Variants in DPP6 observed in about 807,000 individuals in gnomAD.
DPP6 encodes the protein dipeptidyl peptidase like 6.
DPP6 carries 69 observed loss-of-function variants against 122.6 expected under a neutral mutation model. The observed-to-expected ratio is 0.56, with a 90% CI of 0.46 to 0.69. DPP6 has a LOEUF of 0.69. Among genes scored for constraint, DPP6 ranks in the 30% least tolerant of loss-of-function variants. The pLI is 0.00. For missense variants in DPP6, 928 were observed against 1,116.9 expected, an observed-to-expected ratio of 0.83 and a Z score of 2.41; for synonymous variants, 418 against 433.1, an observed-to-expected ratio of 0.97 and a Z score of 0.43.
intron 1 of DPP6, chr7:154,305,335 T>TGGGGCCC: frequency 1.5e-5 from 15 of 1,024,746 alleles, no homozygotes; most frequent in Middle Eastern, 4.8e-4. Context: ...TCGTCTTGTC[T>TGGGGCCC]ACCCACCCTC....
chr7:153,794,367 G>A, the DPP6 span, among the ~76,000 whole-genome samples: 2 of 152,148 alleles, frequency 1.3e-5, no homozygotes, highest in Non-Finnish European at 2.9e-5. Flanking sequence ...TCATTTTGGA[G>A]CCCTAAAATT....
chr7:154,686,548 C>T (rs904927237), intron 7 of DPP6, among the ~76,000 whole-genome samples: 7 of 152,062 alleles, frequency 4.6e-5, no homozygotes, highest in African/African-American at 1.7e-4. Flanking sequence ...ACTGATATTT[C>T]CCTCTAAAAT....
intron 3 of DPP6, among the ~76,000 whole-genome samples, chr7:154,479,637 G>A (rs1164221840): frequency 2.6e-5 from 4 of 151,426 alleles, no homozygotes; most frequent in Admixed American, 2.6e-4. Flanking sequence ...CACACTCCCA[G>A]AAGTGGTCAC....
chr7:154,297,063 G>GTTTTTTTTTTTTTTTTTTTTTTT (rs34506058), intron 1 of DPP6, among the ~76,000 whole-genome samples: 1 of 125,260 alleles, frequency 8.0e-6, no homozygotes, highest in Non-Finnish European at 1.6e-5. Flanking sequence ...AATGTATTCT[G>GTTTTTTTTTTTTTTTTTTTTTTT]TTTTTTTTTT....
chr7:154,625,492 A>C (rs1463671519), intron 5 of DPP6, among the ~76,000 whole-genome samples: 2 of 152,218 alleles, frequency 1.3e-5, no homozygotes, highest in African/African-American at 4.8e-5. Flanking sequence ...TAAAGGAAGC[A>C]CAGGTAGATG....
In DPP6 at chr7:154,624,690, AAC is replaced by A. The variant is rs1357674024; in HGVS notation, c.628-13127_628-13126del. ...AGAAAGCAATGGAGCCCTTGTTAGAAACACATATTTCTAAGCTCCAAGCCTGG... is the reference window on the plus strand; with the variant it reads ...AGAAAGCAATGGAGCCCTTGTTAGAAACATATTTCTAAGCTCCAAGCCTGG... On this transcript the variant is annotated intron_variant, in intron 5 of 25. Coordinates refer to ENST00000377770, the MANE Select transcript of DPP6 (RefSeq NM_130797.4). This position sits in a 1 kb window ranked among gnomAD's most constrained non-coding sequence, Gnocchi z 4.7. 1.3e-5 allele frequency among the ~76,000 whole-genome samples: 2 copies of A among 152,110 alleles called. No homozygotes were observed. Among genetic ancestry groups the A allele is most frequent in the African/African-American group, 2.4e-5 (1 of 41,410 alleles).
At chr7:154,302,485 G>T (rs1166149546) in intron 1 of DPP6, among the ~76,000 whole-genome samples, 2 of 152,214 alleles carry the variant, frequency 1.3e-5, no homozygotes, top group African/African-American at 4.8e-5. Context: ...TTCTCCACCA[G>T]TAATTCCTAA....
At chr7:154,288,534 G>C (rs780396462) in intron 1 of DPP6, among the ~76,000 whole-genome samples, 1 of 152,156 alleles carries the variant, frequency 6.6e-6, no homozygotes, top group Admixed American at 6.5e-5. Context: ...GAGGAGAGAC[G>C]ATTTATGCCT....
intron 18 of DPP6, 109 bp from the exon 19 acceptor site, chr7:154,872,515 C>T: frequency 6.8e-7 from 1 of 1,476,336 alleles, no homozygotes; most frequent in Non-Finnish European, 9.0e-7. Context: ...TGGGCTTCCC[C>T]TCAGGCCCCA....
At chr7:154,189,794 T>C (rs1798525738) in intron 1 of DPP6, among the ~76,000 whole-genome samples, 1 of 152,120 alleles carries the variant, frequency 6.6e-6, no homozygotes, top group African/African-American at 2.4e-5. Context: ...ACAAACCAGA[T>C]CAACTGCTTT....
the DPP6 span, among the ~76,000 whole-genome samples, chr7:153,843,188 G>A: frequency 9.9e-5 from 15 of 150,868 alleles, no homozygotes; most frequent in East Asian, 3.9e-4. Flanking sequence ...GCATACACAC[G>A]CGTGCATACA....
intron 1 of DPP6, among the ~76,000 whole-genome samples, chr7:154,439,552 C>T (rs1267311573): frequency 6.6e-6 from 1 of 152,178 alleles, no homozygotes; most frequent in African/African-American, 2.4e-5. Flanking sequence ...GAACTAATTT[C>T]ATAAAAGAAT....
intron 1 of DPP6, among the ~76,000 whole-genome samples, chr7:154,324,573 C>T (rs971460309): frequency 6.6e-6 from 1 of 152,192 alleles, no homozygotes; most frequent in African/African-American, 2.4e-5. Context: ...CTTGATTGCA[C>T]TCACCTTTTG....
intron 1 of DPP6, among the ~76,000 whole-genome samples, chr7:153,953,754 A>G (rs1051128273): frequency 6.6e-6 from 1 of 152,132 alleles, no homozygotes; most frequent in African/African-American, 2.4e-5. Context: ...GTGTGTGTAT[A>G]TGTGTGTGCA....
At chr7:154,745,701 G>GTA (rs1167967743) in intron 8 of DPP6, among the ~76,000 whole-genome samples, 1 of 152,236 alleles carries the variant, frequency 6.6e-6, no homozygotes, top group African/African-American at 2.4e-5. Context: ...GGAGCTGGTT[G>GTA]TACAGAGATC....
At chr7:154,401,392 G>A (rs286833) in intron 1 of DPP6, among the ~76,000 whole-genome samples, 1 of 152,050 alleles carries the variant, frequency 6.6e-6, no homozygotes, top group South Asian at 2.1e-4. Flanking sequence ...ACTTTGTTCA[G>A]TACAACCCCA....
intron 1 of DPP6, among the ~76,000 whole-genome samples, chr7:153,966,534 A>G (rs1795734390): frequency 8.2e-6 from 1 of 122,564 alleles, no homozygotes; most frequent in Admixed American, 9.2e-5. Context: ...GAAGTAATTA[A>G]ACGGTCTGTC....
intron 21 of DPP6, among the ~76,000 whole-genome samples, chr7:154,881,464 T>A (rs1274683945): frequency 6.6e-6 from 1 of 152,106 alleles, no homozygotes; most frequent in Non-Finnish European, 1.5e-5. Context: ...TGGAGTTAGG[T>A]CTCTGCACCG....
chr7:153,892,316 T>C (rs1161512333), intron 1 of DPP6, among the ~76,000 whole-genome samples: 1 of 145,414 alleles, frequency 6.9e-6, no homozygotes, highest in African/African-American at 2.4e-5. Flanking sequence ...AAAGCTTCTA[T>C]TATTTTTTTT....
Sources: allele counts gnomAD v4.1 joint callset (sites outside exome capture counted in the v4.1 genomes callset), GRCh38; gene constraint gnomAD v4.1.1; non-coding constraint Gnocchi (gnomAD v3.1); transcripts MANE v1.5; gene names NCBI Gene and HGNC (gene_info 2026-07-23, HGNC 2026-07-21).